Variants in SCIN observed in about 807,000 individuals in gnomAD.
SCIN encodes adseverin.
In SCIN, 91 loss-of-function variants were observed where a neutral mutation model predicts 91.8. The ratio of observed to expected loss-of-function variants is 0.99; its 90% CI spans 0.84 to 1.18. The LOEUF (loss-of-function observed/expected upper bound fraction) is 1.18. SCIN is among the 50% of genes most tolerant of loss of function. SCIN has a pLI of 0.00. For missense variants in SCIN, 1,087 were observed against 863.9 expected, an observed-to-expected ratio of 1.26 and a Z score of -3.24; for synonymous variants, 367 against 312.6, an observed-to-expected ratio of 1.17 and a Z score of -1.84.
At chr7:12,618,275 T>G (rs1783338603) in intron 4 of SCIN, among the ~76,000 whole-genome samples, 1 of 152,176 alleles carries the variant, frequency 6.6e-6, no homozygotes, top group African/African-American at 2.4e-5. Flanking sequence ...TAGTGAGAAC[T>G]GTGTGGGACA....
intron 13 of SCIN, among the ~76,000 whole-genome samples, chr7:12,645,438 T>G (rs996223995): frequency 4.6e-5 from 7 of 152,152 alleles, no homozygotes; most frequent in African/African-American, 1.4e-4. Context: ...GAATCTCAGT[T>G]TCAGCCTGCC....
intron 3 of SCIN, among the ~76,000 whole-genome samples, chr7:12,584,556 G>A (rs1209896459): frequency 6.6e-6 from 1 of 152,074 alleles, no homozygotes; most frequent in African/African-American, 2.4e-5. Flanking sequence ...TGAGGCATAA[G>A]ATAGTAAAAT....
chr7:12,625,909 TC>T, intron 7 of SCIN, 59 bp downstream of exon 7: 1 of 1,227,154 alleles, frequency 8.1e-7, no homozygotes, highest in Non-Finnish European at 1.2e-6. Flanking sequence ...TCATGACATC[TC>T]CACGAAACTC....
At chr7:12,627,021 T>C (rs889899745) in intron 8 of SCIN, among the ~76,000 whole-genome samples, 10 of 151,428 alleles carry the variant, frequency 6.6e-5, no homozygotes, top group Non-Finnish European at 1.2e-4. Context: ...GCCTGGGAGG[T>C]GGAGGCTGCA....
chr7:12,636,064 CGAGAT>C lies in SCIN; in HGVS notation c.1343_1347del (p.Asp448AlafsTer80). ...CTCTAGGCAAGGAGCAAATGCCACA[CGAGAT>C]GAGCTGACAACATCTGCGTTCCTGA... On this transcript the variant is annotated frameshift_variant, in exon 10 of 16. Coordinates refer to ENST00000297029, the MANE Select transcript of SCIN (RefSeq NM_001112706.3). LOFTEE classifies it high-confidence loss of function. 6.2e-7 allele frequency: 1 copy of C among 1,612,838 alleles called. No homozygotes were observed. The highest frequency in any genetic ancestry group is 8.5e-7 in the Non-Finnish European group (1 of 1,179,502).
At chr7:12,607,148 C>A (rs1051729800) in intron 4 of SCIN, among the ~76,000 whole-genome samples, 1 of 152,176 alleles carries the variant, frequency 6.6e-6, no homozygotes, top group Non-Finnish European at 1.5e-5. Context: ...TCCAGGGTCA[C>A]CCTTGGCCCA....
intron 3 of SCIN, among the ~76,000 whole-genome samples, chr7:12,602,434 G>A (rs1415773723): frequency 6.6e-6 from 1 of 152,116 alleles, no homozygotes; most frequent in Non-Finnish European, 1.5e-5. Flanking sequence ...AGAAAACAGG[G>A]TTCGAGAGCA....
Position 12,580,825 on chromosome 7 carries a change from C to A in SCIN, c.355-235C>A, listed in dbSNP as rs79181935. 2.5e-3 allele frequency among the ~76,000 whole-genome samples: 378 copies of A among 152,316 alleles called. 4 individuals are homozygous for A. Among genetic ancestry groups the A allele is most frequent in the African/African-American group, 8.5e-3 (352 of 41,560 alleles). The stretch of plus-strand genomic sequence containing the variant: ...ACTGAAGGTTCTCAGTAAATACTTG[C>A]AGTTGTCAATTGAATGGTTAAAACA... On this transcript the variant is annotated intron_variant, in intron 2 of 15. Coordinates refer to ENST00000297029, the MANE Select transcript of SCIN (RefSeq NM_001112706.3).
Position 12,644,710 on chromosome 7 carries a change from G to A in SCIN, c.1881+5G>A. On this transcript the variant is annotated splice_donor_5th_base_variant and intron_variant, in intron 13 of 15. Transcript: ENST00000297029. ...AACAAAACTGGAAGATTTGTTGTAA[G>A]TGTCCTTAAAAATAGTGCGATAGGG... is the stretch of plus-strand genomic sequence containing the variant. 13 of 1,556,212 alleles carry A rather than the reference G, an allele frequency of 8.4e-6. No individual in the cohort carries two copies. The highest frequency in any genetic ancestry group is 1.1e-5 in the Non-Finnish European group (13 of 1,149,534).
At chr7:12,597,203 G>C (rs138930547) in intron 3 of SCIN, among the ~76,000 whole-genome samples, 3 of 152,140 alleles carry the variant, frequency 2.0e-5, no homozygotes, top group Non-Finnish European at 4.4e-5. Flanking sequence ...AAAAAGGTTC[G>C]TGGAGTTATC....
rs73294941 is a variant in SCIN, at chr7:12,609,984, G to A, written c.666+5321G>A. ...GAAGACTCTGCTTACTTTATTGTCTGGTTGAGGAGATAAGCATGCACTAGA... is the reference window on the plus strand; with the variant it reads ...GAAGACTCTGCTTACTTTATTGTCTAGTTGAGGAGATAAGCATGCACTAGA... On this transcript the variant is annotated intron_variant, in intron 4 of 15. Transcript: ENST00000297029. Among the ~76,000 whole-genome samples the A allele has an allele frequency of 9.4e-3, 1,437 of 152,282 alleles. 27 individuals are homozygous for A. Among genetic ancestry groups the A allele is most frequent in the African/African-American group, 0.033 (1,391 of 41,554 alleles).
At position 12,659,289 on chromosome 7, in the gene SCIN, C is replaced by T. The variant is rs1047661648; in HGVS notation, c.*6574C>T. 2.0e-5 allele frequency: 3 copies of T among 152,172 alleles called. No individual in the cohort carries two copies. Among genetic ancestry groups the T allele is most frequent in the African/African-American group, 7.2e-5 (3 of 41,424 alleles). The allele number at this position is 152,172 out of a possible 1,614,324, so 9.4% of individuals were successfully genotyped here. A position where few individuals can be genotyped will look rare whatever the true frequency, so the allele number is the denominator to read the frequency against. ...GTTTTTTAAAAGCACCATTTACCAC[C>T]CATTTGTCTATGGACTTAATCTATG... On this transcript the variant is annotated 3_prime_UTR_variant, in exon 16 of 16. Coordinates refer to ENST00000297029, the MANE Select transcript of SCIN (RefSeq NM_001112706.3).
At chr7:12,626,119 G>C (rs902817418) in intron 7 of SCIN, 31 of 393,386 alleles carry the variant, frequency 7.9e-5, no homozygotes, top group African/African-American at 5.6e-4. Flanking sequence ...AGTAGGTTTA[G>C]CTAAGAGCAC....
intron 9 of SCIN, among the ~76,000 whole-genome samples, chr7:12,633,850 G>C (rs912292369): frequency 6.6e-6 from 1 of 152,144 alleles, no homozygotes; most frequent in Non-Finnish European, 1.5e-5. Context: ...AGATGTGTTG[G>C]CTAGCATTAT....
chr7:12,588,808 T>A lies in SCIN; in HGVS notation c.516+7587T>A, dbSNP rs553448298. The A allele has an allele frequency of 7.5e-4, 6 of 7,974 alleles. 1 individual carries two copies. The highest frequency in any genetic ancestry group is 1.2e-3 in the African/African-American group (1 of 818). The allele number at this position is 7,974 out of a possible 1,614,324, so 0.5% of individuals were successfully genotyped here. A position where few individuals can be genotyped will look rare whatever the true frequency, so the allele number is the denominator to read the frequency against. On this transcript the variant is annotated intron_variant, in intron 3 of 15. Transcript: ENST00000297029. ...CAGGGTAAGGGACAGCTGCATTGGG[T>A]GGGGGGGGGGGGGTGCGGGGGCGGG...
At position 12,640,426 on chromosome 7, in the gene SCIN, G is replaced by C. The variant is rs1170916284; in HGVS notation, c.1490G>C (p.Gly497Ala). 1.9e-6 allele frequency: 3 copies of C among 1,613,398 alleles called. No individual in the cohort carries two copies. The highest frequency in any genetic ancestry group is 2.5e-6 in the Non-Finnish European group (3 of 1,179,660). ...AAACCGCTCATTATTTACAAGAATGGAACATCAAAGAAAGGAGGTCAGGCA... is the reference window on the plus strand; with the variant it reads ...AAACCGCTCATTATTTACAAGAATGCAACATCAAAGAAAGGAGGTCAGGCA... ...KDKPLIIYKN[G>A]TSKKGGQAPA... Residue 497 changes from glycine (G) to alanine (A), a missense_variant, in exon 11 of 16, where the codon GGA becomes GCA. Physicochemically the swap from Gly to Ala is moderately conservative, Grantham distance 60. Transcript: ENST00000297029.
chr7:12,640,623 C>A, intron 11 of SCIN, 106 bp downstream of exon 11: 3 of 992,420 alleles, frequency 3.0e-6, no homozygotes, highest in Non-Finnish European at 4.1e-6. Context: ...AAACTCCCTT[C>A]ATTCCTATAA....
chr7:12,646,304 A>G (rs1208324251), intron 13 of SCIN, among the ~76,000 whole-genome samples: 1 of 152,248 alleles, frequency 6.6e-6, no homozygotes, highest in Non-Finnish European at 1.5e-5. Context: ...TTAAGGCAAC[A>G]GCAGATCTGA....
chr7:12,649,553 A>G lies in SCIN; in HGVS notation c.1959+9A>G, dbSNP rs1448127324. The stretch of plus-strand genomic sequence containing the variant: ...TAGATGCTTGGGAACAGGTAAAACT[A>G]CATTTTGTTCATAAGAAGAGAATGC... On this transcript the variant is annotated intron_variant, in intron 14 of 15. Coordinates refer to ENST00000297029, the MANE Select transcript of SCIN (RefSeq NM_001112706.3). 2 of 1,576,744 alleles carry G rather than the reference A, an allele frequency of 1.3e-6. No individual in the cohort carries two copies. Among genetic ancestry groups the G allele is most frequent in the Non-Finnish European group, 1.7e-6 (2 of 1,156,550 alleles).
Sources: gnomAD v4.1 joint callset for allele counts (sites outside exome capture counted in the v4.1 genomes callset) on GRCh38, gnomAD v4.1.1 for gene constraint, MANE v1.5 for transcripts, NCBI Gene and HGNC (gene_info 2026-07-23, HGNC 2026-07-21) for gene names.